The following CTNNA3 variants were observed in gnomAD, a reference collection of about 807,000 sequenced individuals.
The protein encoded by CTNNA3 is catenin alpha-3.
In CTNNA3, 76 loss-of-function variants were observed where a neutral mutation model predicts 95.7. The observed-to-expected ratio is 0.79, with a 90% CI of 0.66 to 0.96. The LOEUF (loss-of-function observed/expected upper bound fraction) is 0.96. CTNNA3 is among the 40% of genes least tolerant of loss of function. The pLI is 0.00. For synonymous variants in CTNNA3, 431 were observed against 374.4 expected, an observed-to-expected ratio of 1.15 and a Z score of -1.74; for missense variants, 1,191 against 1,089.8, an observed-to-expected ratio of 1.09 and a Z score of -1.31.
chr10:66,781,701 G>A (rs6480211), intron 7 of CTNNA3, among the ~76,000 whole-genome samples: 9,894 of 152,270 alleles, frequency 0.065, 452 homozygotes, highest in Non-Finnish European at 0.11. Context: ...CTTTTGTATT[G>A]TTTGGGAAAG....
intron 10 of CTNNA3, among the ~76,000 whole-genome samples, chr10:66,527,749 C>T (rs76093413): frequency 1.6e-3 from 249 of 152,012 alleles, no homozygotes; most frequent in African/African-American, 5.8e-3. Context: ...GTTCATTGTT[C>T]GTATACAAAG....
intron 5 of CTNNA3, among the ~76,000 whole-genome samples, chr10:67,258,557 G>C (rs767618938): frequency 2.8e-4 from 43 of 152,074 alleles, no homozygotes; most frequent in Middle Eastern, 3.4e-3. Flanking sequence ...TTGTTTAGCC[G>C]ACAACTTTGA....
chr10:67,412,047 T>C (rs906727175), intron 5 of CTNNA3, among the ~76,000 whole-genome samples: 8 of 152,152 alleles, frequency 5.3e-5, no homozygotes, highest in Non-Finnish European at 1.0e-4. Flanking sequence ...GTGTCAATGT[T>C]CTTTAGAATA....
At chr10:66,908,741 T>A (rs10762119) in intron 7 of CTNNA3, among the ~76,000 whole-genome samples, 13 of 152,046 alleles carry the variant, frequency 8.6e-5, no homozygotes, top group African/African-American at 3.1e-4. Context: ...TTCAGGTTTT[T>A]CCCCTGTAAG....
chr10:67,675,106 T>C (rs913713144), intron 1 of CTNNA3, among the ~76,000 whole-genome samples: 6 of 152,158 alleles, frequency 3.9e-5, no homozygotes, highest in Non-Finnish European at 8.8e-5. Context: ...TTATGGGTCA[T>C]TCTAGTTTTC....
intron 6 of CTNNA3, among the ~76,000 whole-genome samples, chr10:67,183,277 G>A (rs959576379): frequency 3.9e-5 from 6 of 152,192 alleles, no homozygotes; most frequent in African/African-American, 1.2e-4. Context: ...TAGCAAAGAC[G>A]TGGAACCAAC....
At chr10:67,576,637 C>T (rs1589444459) in intron 3 of CTNNA3, among the ~76,000 whole-genome samples, 1 of 146,404 alleles carries the variant, frequency 6.8e-6, no homozygotes, top group Non-Finnish European at 1.5e-5. Context: ...ATGTGCCATG[C>T]TGGTGTGCTG....
intron 5 of CTNNA3, among the ~76,000 whole-genome samples, chr10:67,352,312 T>C (rs1842666901): frequency 6.6e-6 from 1 of 151,970 alleles, no homozygotes; most frequent in African/African-American, 2.4e-5. Flanking sequence ...ATTCCTTTTA[T>C]ATTTACCACC....
intron 13 of CTNNA3, among the ~76,000 whole-genome samples, chr10:66,138,655 C>T (rs190076987): frequency 1.3e-5 from 2 of 152,126 alleles, no homozygotes; most frequent in Non-Finnish European, 1.5e-5. Context: ...ATGGTGAAAC[C>T]CGGTTGGTTT....
chr10:67,463,022 A>G (rs1847444130), intron 5 of CTNNA3, among the ~76,000 whole-genome samples: 1 of 143,194 alleles, frequency 7.0e-6, no homozygotes, highest in Non-Finnish European at 1.5e-5. Flanking sequence ...CTCCTGCCTC[A>G]CCCTCCTGAG....
intron 10 of CTNNA3, among the ~76,000 whole-genome samples, chr10:66,545,256 G>A (rs1392213000): frequency 1.3e-5 from 2 of 151,740 alleles, no homozygotes; most frequent in Admixed American, 6.6e-5. Context: ...TCTTTTTAAT[G>A]TTACCGCATA....
chr10:67,240,726 G>A (rs1865686345), intron 5 of CTNNA3, among the ~76,000 whole-genome samples: 1 of 152,018 alleles, frequency 6.6e-6, no homozygotes, highest in Non-Finnish European at 1.5e-5. Context: ...GCATACCTTG[G>A]GTAACTGAAA....
chr10:67,102,542 C>T (rs1323731340), intron 7 of CTNNA3, among the ~76,000 whole-genome samples: 1 of 151,694 alleles, frequency 6.6e-6, no homozygotes, highest in Non-Finnish European at 1.5e-5. Flanking sequence ...GTGCCTCAAC[C>T]ATCTAGGACT....
intron 7 of CTNNA3, among the ~76,000 whole-genome samples, chr10:67,112,747 G>A (rs1250741717): frequency 6.6e-6 from 1 of 151,674 alleles, no homozygotes; most frequent in African/African-American, 2.4e-5. Context: ...ATAACACTCT[G>A]TATATGCACT....
At chr10:67,524,664 T>C (rs1259877766) in intron 4 of CTNNA3, among the ~76,000 whole-genome samples, 1 of 151,778 alleles carries the variant, frequency 6.6e-6, no homozygotes, top group Non-Finnish European at 1.5e-5. Flanking sequence ...ATTTAAGCAG[T>C]TTTTTTTGCT....
chr10:66,222,630 G>GA (rs1311362614), intron 13 of CTNNA3, among the ~76,000 whole-genome samples: 3 of 137,488 alleles, frequency 2.2e-5, no homozygotes, highest in African/African-American at 8.0e-5. Context: ...GAAAAAGAAA[G>GA]AAAGAAAGAA....
At chr10:66,199,217 T>C (rs2045430267) in intron 13 of CTNNA3, among the ~76,000 whole-genome samples, 1 of 152,182 alleles carries the variant, frequency 6.6e-6, no homozygotes, top group African/African-American at 2.4e-5. Context: ...TCAGTTAGCA[T>C]AGAGCTAGTG....
At chr10:66,366,099 T>C (rs867506607) in intron 12 of CTNNA3, among the ~76,000 whole-genome samples, 3 of 152,108 alleles carry the variant, frequency 2.0e-5, no homozygotes, top group South Asian at 4.1e-4. Flanking sequence ...GCAGCATAAA[T>C]AACTAATATG....
intron 5 of CTNNA3, among the ~76,000 whole-genome samples, chr10:67,489,734 A>T (rs1269849049): frequency 6.6e-6 from 1 of 151,152 alleles, no homozygotes; most frequent in African/African-American, 2.4e-5. Flanking sequence ...GAAAATGAGG[A>T]AATAAAAATA....
Sources: gnomAD v4.1 joint callset for allele counts (sites outside exome capture counted in the v4.1 genomes callset) on GRCh38, gnomAD v4.1.1 for gene constraint, MANE v1.5 for transcripts, NCBI Gene and HGNC (gene_info 2026-07-23, HGNC 2026-07-21) for gene names.